The following VPS13B variants were observed in gnomAD, a reference collection of about 807,000 sequenced individuals.
VPS13B encodes intermembrane lipid transfer protein VPS13B.
In VPS13B, 285 loss-of-function variants were observed where a neutral mutation model predicts 426.4. The ratio of observed to expected loss-of-function variants is 0.67; its 90% CI spans 0.61 to 0.74. The LOEUF (loss-of-function observed/expected upper bound fraction) is 0.74. Ranked by LOEUF, VPS13B falls within the 30% of genes least tolerant of loss-of-function variation. The pLI is 0.00. For missense variants in VPS13B, 4,537 were observed against 4,782.6 expected, an observed-to-expected ratio of 0.95 and a Z score of 1.51; for synonymous variants, 1,676 against 1,676.4, an observed-to-expected ratio of 1.00 and a Z score of 0.01.
At chr8:99,263,097 T>G (rs1245679725) in intron 17 of VPS13B, among the ~76,000 whole-genome samples, 1 of 152,170 alleles carries the variant, frequency 6.6e-6, no homozygotes, top group Non-Finnish European at 1.5e-5. Flanking sequence ...TTTATTAAAT[T>G]ATAGCTTTGC....
intron 54 of VPS13B, among the ~76,000 whole-genome samples, chr8:99,843,980 AT>A (rs1815848484): frequency 6.6e-6 from 1 of 152,070 alleles, no homozygotes. Flanking sequence ...TCCTCTCTGG[AT>A]TTAAGAGAGC....
At position 99,766,655 on chromosome 8, in the gene VPS13B, C is replaced by T. The variant is rs1397122402; in HGVS notation, c.7051-119C>T. 8.4e-6 allele frequency: 7 copies of T among 834,662 alleles called. 1 individual carries two copies. In the South Asian group the frequency reaches 1.0e-4, roughly 12 times the overall value. The allele number at this position is 834,662 out of a possible 1,614,324, so 51.7% of individuals were successfully genotyped here. The stretch of plus-strand genomic sequence containing the variant: ...ATCCTAAACTACTGTCTTTTATAAC[C>T]TTATTCTCCTCTAAAGGTCTTAATG... On this transcript the variant is annotated intron_variant, in intron 39 of 61. Transcript: ENST00000357162.
At chr8:99,253,463 A>G (rs1478605397) in intron 17 of VPS13B, among the ~76,000 whole-genome samples, 2 of 152,180 alleles carry the variant, frequency 1.3e-5, no homozygotes, top group African/African-American at 2.4e-5. Flanking sequence ...GAGGGTTTCA[A>G]TATCTCCACA....
intron 16 of VPS13B, among the ~76,000 whole-genome samples, chr8:99,170,445 G>T (rs1812263733): frequency 6.6e-6 from 1 of 151,566 alleles, no homozygotes; most frequent in African/African-American, 2.4e-5. Flanking sequence ...AATAGGAACT[G>T]TAAGAGGAAG....
rs183247091 is a variant in VPS13B at position 99,629,585 on chromosome 8, C to G, written c.5221-12226C>G. ...GAAAATGGACTCTTATGAGGGAGAG[C>G]ATTCTAGGCTGAAAGAACAGCACAA... On this transcript the variant is annotated intron_variant, in intron 33 of 61. Transcript: ENST00000357162. 2.0e-5 allele frequency among the ~76,000 whole-genome samples: 3 copies of G among 152,150 alleles called. No individual in the cohort carries two copies. The East Asian group carries it at 5.8e-4, about 29-fold the overall frequency.
chr8:99,381,893 G>A (rs1813832376), intron 19 of VPS13B, among the ~76,000 whole-genome samples: 1 of 151,944 alleles, frequency 6.6e-6, no homozygotes, highest in African/African-American at 2.4e-5. Context: ...TTGTCATCAT[G>A]AAATCTTTGC....
chr8:99,030,987 G>A (rs1177240048), intron 2 of VPS13B, among the ~76,000 whole-genome samples: 1 of 152,160 alleles, frequency 6.6e-6, no homozygotes, highest in Non-Finnish European at 1.5e-5. Context: ...TGATGTTTTT[G>A]TGACTAGACG....
At chr8:99,415,871 C>A (rs1388663567) in intron 21 of VPS13B, among the ~76,000 whole-genome samples, 2 of 152,198 alleles carry the variant, frequency 1.3e-5, no homozygotes, top group Non-Finnish European at 2.9e-5. Flanking sequence ...GGAGGTGTCT[C>A]CCAGTCAGGA....
intron 17 of VPS13B, among the ~76,000 whole-genome samples, chr8:99,271,248 C>CTAT (rs1563639204): frequency 8.8e-6 from 1 of 114,276 alleles, no homozygotes; most frequent in African/African-American, 3.2e-5. Context: ...ACTACTACTA[C>CTAT]GATGATGATT....
At chr8:99,261,085 A>G (rs943612389) in intron 17 of VPS13B, among the ~76,000 whole-genome samples, 1 of 152,042 alleles carries the variant, frequency 6.6e-6, no homozygotes, top group African/African-American at 2.4e-5. Flanking sequence ...ATCCCCTATC[A>G]GAGTGATACA....
At chr8:99,804,620 T>C (rs973980551) in intron 43 of VPS13B, among the ~76,000 whole-genome samples, 1 of 152,198 alleles carries the variant, frequency 6.6e-6, no homozygotes, top group African/African-American at 2.4e-5. Flanking sequence ...TTAATCTTGA[T>C]TTATTTATTC....
chr8:99,615,032 AC>A (rs1189918302), intron 33 of VPS13B, among the ~76,000 whole-genome samples: 5 of 149,616 alleles, frequency 3.3e-5, no homozygotes, highest in Middle Eastern at 3.5e-3. Flanking sequence ...CTGGAGAATC[AC>A]TTGAACCCAG....
At chr8:99,501,200 T>C (rs1448908616) in intron 25 of VPS13B, among the ~76,000 whole-genome samples, 4 of 152,208 alleles carry the variant, frequency 2.6e-5, no homozygotes, top group Non-Finnish European at 5.9e-5. Flanking sequence ...ATAGAAGGGG[T>C]AGACAAATAT....
chr8:99,468,251 G>C (rs1197768552), intron 24 of VPS13B, among the ~76,000 whole-genome samples: 2 of 151,944 alleles, frequency 1.3e-5, no homozygotes, highest in Non-Finnish European at 2.9e-5. Context: ...GCAGTGTTTG[G>C]TTTTCTGTCC....
chr8:99,262,339 T>C (rs1011561221), intron 17 of VPS13B, among the ~76,000 whole-genome samples: 1 of 152,172 alleles, frequency 6.6e-6, no homozygotes, highest in Non-Finnish European at 1.5e-5. Context: ...ATCATTATAA[T>C]CAACAACAAT....
intron 21 of VPS13B, among the ~76,000 whole-genome samples, chr8:99,405,714 G>A (rs3105185): frequency 0.17 from 26,422 of 151,492 alleles, 2,811 homozygotes; most frequent in East Asian, 0.38. Flanking sequence ...TTCTCCCATG[G>A]CATCTTTGTC....
intron 58 of VPS13B, among the ~76,000 whole-genome samples, chr8:99,865,175 T>A (rs1331138976): frequency 6.6e-6 from 1 of 152,206 alleles, no homozygotes; most frequent in Non-Finnish European, 1.5e-5. Context: ...CCGTTTAGCC[T>A]GCAGTATTGG....
chr8:99,282,000 A>T (rs914955238), intron 19 of VPS13B, among the ~76,000 whole-genome samples: 1 of 151,860 alleles, frequency 6.6e-6, no homozygotes, highest in East Asian at 1.9e-4. Flanking sequence ...TTTTCTTTGG[A>T]TATTTTAGTG....
intron 39 of VPS13B, among the ~76,000 whole-genome samples, chr8:99,730,116 T>A (rs1430981058): frequency 6.6e-6 from 1 of 152,236 alleles, no homozygotes; most frequent in East Asian, 1.9e-4. Context: ...TGCACATATG[T>A]TCCCAGAATC....
Sources: gnomAD v4.1 joint callset for allele counts (sites outside exome capture counted in the v4.1 genomes callset) on GRCh38, gnomAD v4.1.1 for gene constraint, MANE v1.5 for transcripts, NCBI Gene and HGNC (gene_info 2026-07-23, HGNC 2026-07-21) for gene names.